Variants in DLC1 observed in about 807,000 individuals in gnomAD.
The protein encoded by DLC1 is DLC1 Rho GTPase activating protein, also known as rho GTPase-activating protein 7.
Under a neutral mutation model 140.3 loss-of-function variants are expected in DLC1, and 54 were observed. The ratio of observed to expected loss-of-function variants is 0.38; its 90% confidence interval spans 0.31 to 0.48. The LOEUF is 0.48. Among genes scored for constraint, DLC1 ranks in the 20% least tolerant of loss-of-function variants. The pLI is 0.96. For missense variants in DLC1, 2,536 were observed against 1,907.0 expected (o/e 1.33, Z -6.14); for synonymous variants, 986 against 728.1 (o/e 1.35, Z -5.70).
chr8:13,130,984 C>T (rs1263858135), intron 5 of DLC1, among the ~76,000 whole-genome samples: 1 of 152,214 alleles, frequency 6.6e-6, no homozygotes, highest in African/African-American at 2.4e-5. Flanking sequence ...TGGCATGCCA[C>T]AAGAAATGTG....
intron 12 of DLC1, among the ~76,000 whole-genome samples, chr8:13,093,973 A>G (rs1818294070): frequency 6.6e-6 from 1 of 152,224 alleles, no homozygotes; most frequent in South Asian, 2.1e-4. Context: ...TCTCCCAAGT[A>G]TTTCTGGCAG....
At chr8:13,479,234 G>A (rs1384383249) in intron 2 of DLC1, among the ~76,000 whole-genome samples, 1 of 152,168 alleles carries the variant, frequency 6.6e-6, no homozygotes, top group East Asian at 1.9e-4. Context: ...AGGAAAATAA[G>A]AAAGTTAAAA....
intron 1 of DLC1, among the ~76,000 whole-genome samples, chr8:13,577,013 A>T (rs1300836941): frequency 6.6e-6 from 1 of 152,142 alleles, no homozygotes; most frequent in Non-Finnish European, 1.5e-5. Context: ...TGCTGATTGG[A>T]CATAATCTAC....
chr8:13,220,976 G>A (rs1357115676), intron 5 of DLC1, among the ~76,000 whole-genome samples: 1 of 152,208 alleles, frequency 6.6e-6, no homozygotes, highest in Non-Finnish European at 1.5e-5. Context: ...CCCCACGTAT[G>A]AGGGTGTTAG....
At chr8:13,419,560 A>C (rs1039249991) in intron 2 of DLC1, among the ~76,000 whole-genome samples, 4 of 152,194 alleles carry the variant, frequency 2.6e-5, no homozygotes, top group Non-Finnish European at 2.9e-5. Context: ...CCAGGGATGA[A>C]GCCCATTTGA....
intron 3 of DLC1, 81 bp downstream of exon 3, chr8:13,401,389 A>T: frequency 6.5e-7 from 1 of 1,530,504 alleles, no homozygotes; most frequent in Non-Finnish European, 8.8e-7. Context: ...ATTAACAAGG[A>T]TGTTGCCTTT....
chr8:13,180,686 T>C (rs1470034103), intron 5 of DLC1, among the ~76,000 whole-genome samples: 2 of 152,262 alleles, frequency 1.3e-5, no homozygotes, highest in East Asian at 3.9e-4. Flanking sequence ...CTTTATTCAT[T>C]GTACAACTAA....
intron 2 of DLC1, among the ~76,000 whole-genome samples, chr8:13,464,850 T>C (rs928193165): frequency 1.3e-5 from 2 of 150,008 alleles, no homozygotes; most frequent in Non-Finnish European, 3.0e-5. Context: ...TGTATAATAC[T>C]TGGAAACTCA....
At chr8:13,567,854 A>G in intron 1 of DLC1, 5 of 1,551,884 alleles carry the variant, frequency 3.2e-6, no homozygotes, top group African/African-American at 1.4e-5. Context: ...TTGCAGCGAG[A>G]TGGAAATAGT....
At chr8:13,429,646 G>A (rs368656979) in intron 2 of DLC1, among the ~76,000 whole-genome samples, 9 of 152,110 alleles carry the variant, frequency 5.9e-5, no homozygotes, top group African/African-American at 1.9e-4. Flanking sequence ...GTCAGTGCAG[G>A]GAACATAGTG....
At chr8:13,405,318 T>C (rs7829699) in intron 2 of DLC1, among the ~76,000 whole-genome samples, 134,055 of 151,950 alleles carry the variant, frequency 0.88, 59,327 homozygotes, top group East Asian at 0.97. Context: ...TCTGTGGTCC[T>C]CAGTGACTAT....
intron 4 of DLC1, among the ~76,000 whole-genome samples, chr8:13,322,887 A>C (rs1259251892): frequency 3.3e-5 from 5 of 151,858 alleles, no homozygotes; most frequent in Non-Finnish European, 2.9e-5. Flanking sequence ...GCGACTTCTG[A>C]CTCTATTCCA....
intron 5 of DLC1, among the ~76,000 whole-genome samples, chr8:13,243,049 G>C (rs1297211750): frequency 6.6e-6 from 1 of 151,868 alleles, no homozygotes; most frequent in Non-Finnish European, 1.5e-5. Flanking sequence ...TAGCACTTTG[G>C]GAGGCCAAGG....
Position 13,247,456 on chromosome 8 carries a change from T to C in DLC1, c.1348+57813A>G, listed in dbSNP as rs189970598. ...GCCAGGCAGCATTCTAAGTGCTTTA[T>C]TTTTAGTGACTCATTTAATTCTTGC... On this transcript the variant is annotated intron_variant, in intron 5 of 17. Coordinates refer to ENST00000276297, the MANE Select transcript of DLC1 (RefSeq NM_182643.3). Among the ~76,000 whole-genome samples the C allele has an allele frequency of 3.9e-5, 6 of 152,324 alleles. No homozygotes were observed. The East Asian group carries it at 9.6e-4, about 24-fold the overall frequency.
chr8:13,228,370 A>G (rs1402952947), intron 5 of DLC1, among the ~76,000 whole-genome samples: 2 of 152,232 alleles, frequency 1.3e-5, no homozygotes, highest in Middle Eastern at 3.4e-3. Context: ...TTCACAAACT[A>G]TATATTTGAT....
At chr8:13,544,422 G>A (rs1206367001) in intron 1 of DLC1, among the ~76,000 whole-genome samples, 1 of 152,134 alleles carries the variant, frequency 6.6e-6, no homozygotes, top group Non-Finnish European at 1.5e-5. Flanking sequence ...ATTTGGTTAT[G>A]AGGTTAATCT....
intron 4 of DLC1, among the ~76,000 whole-genome samples, chr8:13,363,312 T>A (rs1055046864): frequency 7.8e-6 from 1 of 127,950 alleles, no homozygotes; most frequent in Admixed American, 8.9e-5. Context: ...TCTCAGAGCA[T>A]GCATATTGTG....
At chr8:13,407,282 T>G (rs1006376262) in intron 2 of DLC1, among the ~76,000 whole-genome samples, 1 of 152,154 alleles carries the variant, frequency 6.6e-6, no homozygotes, top group Non-Finnish European at 1.5e-5. Context: ...AGAGAATCAT[T>G]CTTTCCTAAA....
At chr8:13,594,118 G>T (rs965228517) in intron 1 of DLC1, among the ~76,000 whole-genome samples, 1 of 151,948 alleles carries the variant, frequency 6.6e-6, no homozygotes, top group Non-Finnish European at 1.5e-5. Flanking sequence ...TCATGATCTT[G>T]TAACTGCACT....
Sources: allele counts gnomAD v4.1 joint callset (sites outside exome capture counted in the v4.1 genomes callset), GRCh38; gene constraint gnomAD v4.1.1; transcripts MANE v1.5; gene names NCBI Gene and HGNC (gene_info 2026-07-23, HGNC 2026-07-21).